MYCBP2: variants seen among roughly 807,000 people sequenced by gnomAD.
The protein encoded by MYCBP2 is MYC binding protein 2.
A neutral mutation model predicts 525.3 loss-of-function variants in MYCBP2; 120 were observed. That is an observed-to-expected ratio of 0.23 (90% CI 0.20 to 0.27). The LOEUF is 0.27. Among genes scored for constraint, MYCBP2 ranks in the 10% least tolerant of loss-of-function variants. The pLI, the probability that MYCBP2 is intolerant of heterozygous loss-of-function variation, is 1.00. For missense variants in MYCBP2, 4,149 were observed against 5,657.1 expected (o/e 0.73, Z 8.55); for synonymous variants, 1,894 against 1,955.8 (o/e 0.97, Z 0.83).
intron 70 of MYCBP2, among the ~76,000 whole-genome samples, chr13:77,068,230 T>C (rs1377977888): frequency 3.9e-5 from 6 of 152,140 alleles, no homozygotes; most frequent in Non-Finnish European, 8.8e-5. Flanking sequence ...ATGGTAATAG[T>C]AGTGGTAATT....
intron 55 of MYCBP2, among the ~76,000 whole-genome samples, chr13:77,111,040 G>T (rs538350861): frequency 6.6e-6 from 1 of 152,152 alleles, no homozygotes; most frequent in Non-Finnish European, 1.5e-5. Context: ...TGAACGTTTT[G>T]TTCAGCTTAA....
chr13:77,099,160 A>G (rs1244641945), intron 55 of MYCBP2, 147 bp from the exon 56 acceptor site: 7 of 1,072,454 alleles, frequency 6.5e-6, no homozygotes, highest in African/African-American at 1.6e-5. Flanking sequence ...TAAAGGAAAG[A>G]AGGGGGAAAT....
intron 52 of MYCBP2, among the ~76,000 whole-genome samples, chr13:77,130,282 T>A (rs2052518085): frequency 6.6e-6 from 1 of 151,828 alleles, no homozygotes; most frequent in African/African-American, 2.4e-5. Flanking sequence ...TTATCAATTA[T>A]AAGTCATTTT....
intron 32 of MYCBP2, among the ~76,000 whole-genome samples, chr13:77,184,836 T>G (rs1229198864): frequency 2.0e-5 from 3 of 152,146 alleles, no homozygotes; most frequent in Non-Finnish European, 4.4e-5. Context: ...CTATGGTTCT[T>G]TTCCTCTCTC....
At position 77,278,742 on chromosome 13, in the gene MYCBP2, G is replaced by A. The variant is rs1272927662; in HGVS notation, c.748+16C>T. 7 of 1,486,094 alleles carry A rather than the reference G, an allele frequency of 4.7e-6. No individual in the cohort carries two copies. The highest frequency in any genetic ancestry group is 1.4e-5 in the South Asian group (1 of 70,620). The allele number at this position is 1,486,094 out of a possible 1,614,324, so 92.1% of individuals were successfully genotyped here. ...TTCACTTTTAAATGCTTCACTGAAT[G>A]AGCCTTGGCTCTTACCTAGGACCTC... On this transcript the variant is annotated intron_variant, in intron 4 of 82. Transcript: ENST00000544440.
chr13:77,160,269 G>A (rs200747205), intron 44 of MYCBP2, among the ~76,000 whole-genome samples: 1 of 152,060 alleles, frequency 6.6e-6, no homozygotes, highest in Non-Finnish European at 1.5e-5. Context: ...AACTGCCAGC[G>A]AACAAATCCC....
chr13:77,232,324 A>G (rs2154301862), intron 18 of MYCBP2, among the ~76,000 whole-genome samples: 1 of 152,318 alleles, frequency 6.6e-6, no homozygotes, highest in South Asian at 2.1e-4. Context: ...GGCATTTAAG[A>G]AAATGGGAGT....
At chr13:77,280,302 T>C (rs551925374) in intron 3 of MYCBP2, among the ~76,000 whole-genome samples, 7 of 152,356 alleles carry the variant, frequency 4.6e-5, no homozygotes, top group East Asian at 1.9e-4. Context: ...AGAGTTTCAA[T>C]TGATTAAACA....
At chr13:77,238,887 T>C (rs1409599306) in intron 17 of MYCBP2, among the ~76,000 whole-genome samples, 1 of 152,122 alleles carries the variant, frequency 6.6e-6, no homozygotes, top group Non-Finnish European at 1.5e-5. Context: ...TCCCAGCACT[T>C]TGGGAGGCTG....
intron 1 of MYCBP2, among the ~76,000 whole-genome samples, chr13:77,315,399 G>C (rs1258253503): frequency 6.6e-6 from 1 of 152,124 alleles, no homozygotes; most frequent in Non-Finnish European, 1.5e-5. Context: ...ATATAAACCT[G>C]AAAATTCTTA....
intron 35 of MYCBP2, among the ~76,000 whole-genome samples, chr13:77,177,334 CTTTT>C (rs748460042): frequency 5.7e-5 from 7 of 122,894 alleles, no homozygotes; most frequent in African/African-American, 1.2e-4. Context: ...TCTTTTCTTT[CTTTT>C]TTTTTTTTTT....
chr13:77,094,391 A>T (rs375482116), intron 58 of MYCBP2, among the ~76,000 whole-genome samples: 275 of 152,290 alleles, frequency 1.8e-3, no homozygotes, highest in African/African-American at 6.4e-3. Flanking sequence ...ATGCACTTTT[A>T]TCTAGTCTCC....
chr13:77,320,050 C>T (rs907638343), intron 1 of MYCBP2, among the ~76,000 whole-genome samples: 11 of 152,184 alleles, frequency 7.2e-5, no homozygotes, highest in African/African-American at 2.7e-4. Context: ...AGCCCTCAGC[C>T]AGACCCATGG....
chr13:77,068,323 T>A (rs2154081238), intron 70 of MYCBP2, among the ~76,000 whole-genome samples: 1 of 152,016 alleles, frequency 6.6e-6, no homozygotes, highest in African/African-American at 2.4e-5. Context: ...GGTAATATGG[T>A]AATCAGTAGC....
chr13:77,210,325 T>A (rs564634061), intron 23 of MYCBP2, among the ~76,000 whole-genome samples: 45 of 151,900 alleles, frequency 3.0e-4, no homozygotes, highest in African/African-American at 1.1e-3. Flanking sequence ...CCCGAGTAGC[T>A]GGGATTACAG....
At chr13:77,258,414 T>C (rs2072625705) in intron 13 of MYCBP2, among the ~76,000 whole-genome samples, 1 of 152,244 alleles carries the variant, frequency 6.6e-6, no homozygotes, top group African/African-American at 2.4e-5. Flanking sequence ...CTATTTAATA[T>C]GTTTTGTATC....
chr13:77,083,005 C>T, intron 63 of MYCBP2, 27 bp downstream of exon 63: 1 of 1,597,250 alleles, frequency 6.3e-7, no homozygotes, highest in South Asian at 1.1e-5. Context: ...GTCCAATGTA[C>T]CTAGGATATG....
intron 2 of MYCBP2, among the ~76,000 whole-genome samples, chr13:77,294,131 C>CACATATATATATATACACAT (rs1555465826): frequency 1.5e-5 from 1 of 65,692 alleles, no homozygotes; most frequent in South Asian, 5.3e-4. Flanking sequence ...TATATATATA[C>CACATATATATATATACACAT]ATATATATAT....
intron 46 of MYCBP2, among the ~76,000 whole-genome samples, chr13:77,155,819 C>T (rs2154198671): frequency 6.6e-6 from 1 of 152,260 alleles, no homozygotes; most frequent in South Asian, 2.1e-4. Context: ...TCTTATCCCT[C>T]CTTTGAGTCC....
Sources: gnomAD v4.1 joint callset for allele counts (sites outside exome capture counted in the v4.1 genomes callset) on GRCh38, gnomAD v4.1.1 for gene constraint, MANE v1.5 for transcripts, NCBI Gene and HGNC (gene_info 2026-07-23, HGNC 2026-07-21) for gene names.